Variants in PCDHA4 observed in about 807,000 individuals in gnomAD.
PCDHA4 encodes protocadherin alpha-4.
In PCDHA4, 49 loss-of-function variants were observed where a neutral mutation model predicts 61.4. The ratio of observed to expected loss-of-function variants is 0.80; its 90% CI spans 0.63 to 1.01. The LOEUF is 1.01. Among genes scored for constraint, PCDHA4 ranks in the 50% least tolerant of loss-of-function variants. The pLI is 0.00. For missense variants in PCDHA4, 1,254 were observed against 1,235.8 expected (o/e 1.01, Z -0.22); for synonymous variants, 590 against 550.3 (o/e 1.07, Z -1.01).
At chr5:140,940,616 G>A (rs1554213527) in intron 1 of PCDHA4, among the ~76,000 whole-genome samples, 3 of 152,002 alleles carry the variant, frequency 2.0e-5, no homozygotes, top group Non-Finnish European at 4.4e-5. Flanking sequence ...CCTGGCTCCT[G>A]CAAATATTCT....
chr5:140,827,858 A>G (rs1273847275), intron 1 of PCDHA4: 5 of 508,162 alleles, frequency 9.8e-6, no homozygotes, highest in Non-Finnish European at 1.7e-5. Flanking sequence ...TTAAAAATAT[A>G]TGGTATAGCA....
rs547873702 is a variant in PCDHA4 at position 140,879,516 on chromosome 5, T to C, written c.2385+69944T>C. 3.3e-5 allele frequency among the ~76,000 whole-genome samples: 5 copies of C among 152,322 alleles called. No homozygotes were observed. The East Asian group carries it at 7.7e-4, about 23-fold the overall frequency. On this transcript the variant is annotated intron_variant, in intron 1 of 3. Transcript: ENST00000530339. The stretch of plus-strand genomic sequence containing the variant: ...TGGATCTCAGAAGAGATTATTGATA[T>C]AGATTTTGGGAACAACTCCTTTAGA...
intron 1 of PCDHA4, among the ~76,000 whole-genome samples, chr5:140,964,843 T>C (rs1229980696): frequency 6.6e-6 from 1 of 152,162 alleles, no homozygotes; most frequent in African/African-American, 2.4e-5. Flanking sequence ...TCCTACTCTG[T>C]ACCCTTGAGG....
At chr5:140,960,079 A>G (rs1006555188) in intron 1 of PCDHA4, among the ~76,000 whole-genome samples, 1 of 152,228 alleles carries the variant, frequency 6.6e-6, no homozygotes, top group African/African-American at 2.4e-5. Flanking sequence ...TGAAGTTTCT[A>G]AAAGAGAAAG....
rs548394870 is a variant in PCDHA4 at position 140,927,042 on chromosome 5, G to A, written c.2386-51907G>A. ...ACTTGAGGCTGCCAGCGGCCGCTATGTCCTCGCGGAACTTTCGCTTCCTTT... is the reference window on the plus strand; with the variant it reads ...ACTTGAGGCTGCCAGCGGCCGCTATATCCTCGCGGAACTTTCGCTTCCTTT... On this transcript the variant is annotated intron_variant, in intron 1 of 3. Transcript: ENST00000530339. The A allele has an allele frequency of 1.4e-4, 226 of 1,612,386 alleles. 8 individuals are homozygous for A. The South Asian group carries it at 2.4e-3, about 17-fold the overall frequency.
In PCDHA4 at chr5:140,829,595, C is replaced by T. The variant is rs147522996; in HGVS notation, c.2385+20023C>T. ...GCTGGTGGAGCGGCGGGTGGGCGAG[C>T]GCGCGTTGTCGAGCTACATTTCGGT... On this transcript the variant is annotated intron_variant, in intron 1 of 3. Coordinates refer to ENST00000530339, the MANE Select transcript of PCDHA4 (RefSeq NM_018907.4). The T allele has an allele frequency of 1.5e-4, 239 of 1,611,886 alleles. 1 individual carries two copies. In the African/African-American group the frequency reaches 2.9e-3, roughly 20 times the overall value.
At chr5:140,927,417 G>A (rs74597681) in intron 1 of PCDHA4, 37,118 of 1,614,096 alleles carry the variant, frequency 0.023, 560 homozygotes, top group African/African-American at 0.056. Flanking sequence ...ACATGGGATC[G>A]CGGGTTGACG....
chr5:140,897,255 C>A (rs890766563), intron 1 of PCDHA4, among the ~76,000 whole-genome samples: 2 of 151,828 alleles, frequency 1.3e-5, no homozygotes, highest in Admixed American at 1.3e-4. Flanking sequence ...CATATGTATA[C>A]ATGTGCCATG....
At chr5:140,880,972 A>G (rs574204364) in intron 1 of PCDHA4, among the ~76,000 whole-genome samples, 94 of 152,374 alleles carry the variant, frequency 6.2e-4, no homozygotes, top group Non-Finnish European at 8.5e-4. Flanking sequence ...AGAGAATACC[A>G]AATACTCTGC....
At chr5:140,922,371 T>G (rs1194947703) in intron 1 of PCDHA4, among the ~76,000 whole-genome samples, 1 of 152,204 alleles carries the variant, frequency 6.6e-6, no homozygotes, top group Non-Finnish European at 1.5e-5. Context: ...CTCACTGAGA[T>G]GCAAAACCAA....
Position 140,809,011 on chromosome 5 carries a change from G to C in PCDHA4, c.1824G>C (p.Ser608=). The C allele has an allele frequency of 6.2e-7, 1 of 1,613,732 alleles. No individual in the cohort carries two copies. The highest frequency in any genetic ancestry group is 8.5e-7 in the Non-Finnish European group (1 of 1,179,772). Residue 608 remains serine (S), a synonymous_variant, in exon 1 of 4, where the codon TCG becomes TCC. Coordinates refer to ENST00000530339, the MANE Select transcript of PCDHA4 (RefSeq NM_018907.4). ...DADSGYNAWL[S]YELQPGTGGA... Reference sequence around the variant, plus strand: ...ACTCGGGCTACAACGCGTGGCTTTCGTACGAGCTGCAGCCGGGGACTGGTG... The same window carrying C: ...ACTCGGGCTACAACGCGTGGCTTTCCTACGAGCTGCAGCCGGGGACTGGTG...
chr5:140,966,894 A>C, intron 1 of PCDHA4: 1 of 1,596,438 alleles, frequency 6.3e-7, no homozygotes, highest in African/African-American at 1.3e-5. Flanking sequence ...GCGGCCTCCC[A>C]GCTGCGATAC....
At chr5:140,875,543 G>A in intron 1 of PCDHA4, 1 of 1,614,164 alleles carries the variant, frequency 6.2e-7, no homozygotes, top group Non-Finnish European at 8.5e-7. Flanking sequence ...CTTGCAGCCT[G>A]GGAGGTGGGG....
intron 1 of PCDHA4, chr5:140,830,847 A>G (rs1474547924): frequency 6.5e-6 from 1 of 153,834 alleles, no homozygotes; most frequent in Non-Finnish European, 1.4e-5. Context: ...TTTTACATAT[A>G]CTCTTTTTTG....
chr5:140,867,485 T>C (rs1329188157), intron 1 of PCDHA4: 1 of 152,044 alleles, frequency 6.6e-6, no homozygotes, highest in Non-Finnish European at 1.5e-5. Context: ...AAAGAGTAAA[T>C]ATGAAAAAAG....
At chr5:140,883,388 G>T (rs2059587175) in intron 1 of PCDHA4, 2 of 1,614,164 alleles carry the variant, frequency 1.2e-6, no homozygotes, top group Non-Finnish European at 1.7e-6. Context: ...CCTAATCAGT[G>T]TGTCCGATCG....
chr5:140,869,159 T>C, intron 1 of PCDHA4: 1 of 1,613,792 alleles, frequency 6.2e-7, no homozygotes, highest in Non-Finnish European at 8.5e-7. Flanking sequence ...CTCTGGCTTC[T>C]CCTCCTCGAA....
Position 140,877,064 on chromosome 5 carries a change from T to C in PCDHA4, c.2385+67492T>C, listed in dbSNP as rs2056824961. On this transcript the variant is annotated intron_variant, in intron 1 of 3. Coordinates refer to ENST00000530339, the MANE Select transcript of PCDHA4 (RefSeq NM_018907.4). ...CTAGACCACGAGGAGCTGGAGCTGC[T>C]GCAGTTCCAGGTGAGCGCGCGCGAC... is the stretch of plus-strand genomic sequence containing the variant. The C allele has an allele frequency of 6.2e-7, 1 of 1,612,896 alleles. No homozygotes were observed. Among genetic ancestry groups the C allele is most frequent in the Non-Finnish European group, 8.5e-7 (1 of 1,179,856 alleles).
At chr5:140,813,382 T>A (rs1218287090) in intron 1 of PCDHA4, 1 of 152,178 alleles carries the variant, frequency 6.6e-6, no homozygotes, top group African/African-American at 2.4e-5. Flanking sequence ...GGTTACATGA[T>A]CTATTGCTTC....
Sources: gnomAD v4.1 joint callset for allele counts (sites outside exome capture counted in the v4.1 genomes callset) on GRCh38, gnomAD v4.1.1 for gene constraint, MANE v1.5 for transcripts, NCBI Gene and HGNC (gene_info 2026-07-23, HGNC 2026-07-21) for gene names.